LAMP3: variants seen among roughly 807,000 people sequenced by gnomAD.
The protein encoded by LAMP3 is lysosome associated membrane protein 3.
Under a neutral mutation model 34.8 loss-of-function variants are expected in LAMP3, and 26 were observed. That is an observed-to-expected ratio of 0.75 (90% confidence interval 0.55 to 1.04). The LOEUF is 1.04. LAMP3 is among the 50% of genes least tolerant of loss of function. The probability of loss-of-function intolerance (pLI) is 0.00; values close to 1 mark genes in which losing one functional copy is unlikely to be tolerated. For synonymous variants in LAMP3, 180 were observed against 201.9 expected (o/e 0.89, Z 0.92); for missense variants, 495 against 524.0 (o/e 0.94, Z 0.54).
At chr3:183,135,367 C>A (rs1050228937) in intron 5 of LAMP3, among the ~76,000 whole-genome samples, 7 of 152,202 alleles carry the variant, frequency 4.6e-5, no homozygotes, top group Non-Finnish European at 1.0e-4. Context: ...TACTCAGGAT[C>A]TTTAAAGTGT....
At chr3:183,146,591 A>G (rs916029360) in intron 3 of LAMP3, among the ~76,000 whole-genome samples, 1 of 149,530 alleles carries the variant, frequency 6.7e-6, no homozygotes, top group African/African-American at 2.5e-5. Flanking sequence ...GCAATGGCAC[A>G]ATCTCGGCTC....
intron 3 of LAMP3, among the ~76,000 whole-genome samples, chr3:183,144,272 A>G (rs1271462072): frequency 6.6e-6 from 1 of 152,208 alleles, no homozygotes; most frequent in Admixed American, 6.5e-5. Flanking sequence ...AAACATTGCT[A>G]AAGATATACT....
chr3:183,135,221 G>A (rs978496574), intron 5 of LAMP3, among the ~76,000 whole-genome samples: 14 of 152,210 alleles, frequency 9.2e-5, no homozygotes, highest in African/African-American at 3.4e-4. Context: ...CTGGAGACGA[G>A]GGGCTCCAAC....
In LAMP3 at chr3:183,124,021, T is replaced by A. The variant is rs59541519; in HGVS notation, c.*60A>T. On this transcript the variant is annotated 3_prime_UTR_variant, in exon 6 of 6. Transcript: ENST00000265598. ...CTCTGAGGGAATTTCCCAACATCCA[T>A]CCTGGAAGGGATGAAAGAGTTCTCT... 6.3e-7 allele frequency: 1 copy of A among 1,594,896 alleles called. No homozygotes were observed. Among genetic ancestry groups the A allele is most frequent in the African/African-American group, 1.3e-5 (1 of 74,466 alleles).
In LAMP3 at chr3:183,122,588, A is replaced by G. The variant is rs1179775338; in HGVS notation, c.*1493T>C. The G allele has an allele frequency of 1.3e-5, 2 of 152,256 alleles. No homozygotes were observed. Among genetic ancestry groups the G allele is most frequent in the Non-Finnish European group, 2.9e-5 (2 of 68,052 alleles). 9.4% of individuals were successfully genotyped at this position (152,256 alleles called of 1,614,324 possible). A position where few individuals can be genotyped will look rare whatever the true frequency, so the allele number is the denominator to read the frequency against. On this transcript the variant is annotated 3_prime_UTR_variant, in exon 6 of 6. Transcript: ENST00000265598. ...GTTAGCGAAGTTTCTCTATTATCAA[A>G]AAAATTTAAAAATACTTTGAGTTTA...
chr3:183,161,300 C>T (rs1246555070), intron 1 of LAMP3, among the ~76,000 whole-genome samples: 3 of 152,208 alleles, frequency 2.0e-5, no homozygotes, highest in African/African-American at 2.4e-5. Context: ...TAGCTCACCT[C>T]TGAGAATTTG....
Position 183,153,989 on chromosome 3 carries a change from G to T in LAMP3, c.452C>A (p.Thr151Asn). The T allele has an allele frequency of 2.5e-6, 4 of 1,614,188 alleles. No individual in the cohort carries two copies. Among genetic ancestry groups the T allele is most frequent in the Admixed American group, 1.7e-5 (1 of 60,022 alleles). ...PAHTTGTSSS[T>N]VSHTTGNTTQ... ...GGTGTTCCCAGTTGTGTGGCTGACG[G>T]TTGATGAACTGGTTCCAGTTGTATG... is the stretch of plus-strand genomic sequence containing the variant. The change falls in exon 2 of 6, where the codon ACC becomes AAC. Residue 151 changes from threonine (T) to asparagine (N), a missense_variant. Coordinates refer to ENST00000265598, the MANE Select transcript of LAMP3 (RefSeq NM_014398.4).
At chr3:183,155,289 A>T (rs920013339) in intron 1 of LAMP3, among the ~76,000 whole-genome samples, 3 of 152,206 alleles carry the variant, frequency 2.0e-5, no homozygotes, top group Non-Finnish European at 4.4e-5. Context: ...ACTGTTCCCA[A>T]TGACAGGAGA....
At chr3:183,135,672 G>C (rs1720061060) in intron 5 of LAMP3, 45 bp downstream of exon 5, 2 of 1,558,768 alleles carry the variant, frequency 1.3e-6, no homozygotes, top group East Asian at 2.2e-5. Context: ...TCTACCCTGG[G>C]GTCTCTAAAG....
Position 183,135,770 on chromosome 3 carries a change from G to A in LAMP3, c.1064C>T (p.Thr355Ile), listed in dbSNP as rs1479247215. 31 of 1,614,180 alleles carry A rather than the reference G, an allele frequency of 1.9e-5. No individual in the cohort carries two copies. The Admixed American group carries it at 5.0e-4, about 26-fold the overall frequency. The part of the protein sequence containing the change: ...LQLSAHLQVK[T>I]TDVQLQAFDF... ...AAAGGCTTGAAGTTGGACATCGGTT[G>A]TTTTCACCTGCAGGTGGGCTGACAA... Residue 355 changes from threonine to isoleucine, a missense_variant, in exon 5 of 6, where the codon ACA becomes ATA. Coordinates refer to ENST00000265598, the MANE Select transcript of LAMP3 (RefSeq NM_014398.4).
rs77183710 is a variant in LAMP3, at chr3:183,132,032, C to T, written c.1117+3685G>A. ...CATATTGTCTCCCTGCTCTGTCTCC[C>T]TCCTGTCCTGCAATGGTCCAAATGG... On this transcript the variant is annotated intron_variant, in intron 5 of 5. Transcript: ENST00000265598. 13 of 985,352 alleles carry T rather than the reference C, an allele frequency of 1.3e-5. No homozygotes were observed. The East Asian group carries it at 6.8e-4, about 52-fold the overall frequency. The allele number at this position is 985,352 out of a possible 1,614,324, so 61.0% of individuals were successfully genotyped here.
chr3:183,133,014 G>A (rs537410573), intron 5 of LAMP3: 1 of 834,406 alleles, frequency 1.2e-6, no homozygotes, highest in Admixed American at 6.2e-5. Context: ...CTGGGAAGTG[G>A]CACTGCCACA....
At position 183,153,685 on chromosome 3, in the gene LAMP3, C is replaced by G; in HGVS notation, c.756G>C (p.Glu252Asp). Residue 252 changes from glutamate to aspartate, a missense_variant, in exon 2 of 6, where the codon GAG (glutamate) becomes GAC (aspartate). Coordinates refer to ENST00000265598, the MANE Select transcript of LAMP3 (RefSeq NM_014398.4). ...TAGTCCTGTGGCCCCAACTTACCGA[C>G]TCCTTGTCTTGAACAATCAGCTGTA... ...MGIQLIVQDK[E>D]SVFSPRRYFN... 1 of 1,514,636 alleles carries G rather than the reference C, an allele frequency of 6.6e-7. No individual in the cohort carries two copies. The highest frequency in any genetic ancestry group is 8.8e-7 in the Non-Finnish European group (1 of 1,132,362). 93.8% of individuals were successfully genotyped at this position (1,514,636 alleles called of 1,614,324 possible). A position where few individuals can be genotyped will look rare whatever the true frequency, so the allele number is the denominator to read the frequency against.
Position 183,152,406 on chromosome 3 carries a change from T to C in LAMP3, c.857A>G (p.Gln286Arg). ...AAATGTGAGATTCACAAATCCGCCC[T>C]GAAAATTCAACAGAAGGTTGGATTT... ...TRKSNLLLNF[Q>R]GGFVNLTFTK... Residue 286 changes from glutamine (Q) to arginine (R), a missense_variant, in exon 3 of 6, where the codon CAG becomes CGG. Transcript: ENST00000265598. The C allele has an allele frequency of 6.2e-7, 1 of 1,612,412 alleles. No individual in the cohort carries two copies. The highest frequency in any genetic ancestry group is 8.5e-7 in the Non-Finnish European group (1 of 1,179,410).
intron 3 of LAMP3, among the ~76,000 whole-genome samples, chr3:183,145,715 G>A (rs1180354229): frequency 6.6e-6 from 1 of 152,102 alleles, no homozygotes; most frequent in Non-Finnish European, 1.5e-5. Flanking sequence ...AAATGAGCAG[G>A]GTGTGGTGGT....
Position 183,125,263 on chromosome 3 carries a change from C to T in LAMP3, c.1118-1049G>A, listed in dbSNP as rs532904291. On this transcript the variant is annotated intron_variant, in intron 5 of 5. Transcript: ENST00000265598. ...AAGATACATGTGTGAGGTCATTGTA[C>T]GAACTAACACTGAAATTATGTCCTG... is the stretch of plus-strand genomic sequence containing the variant. Among the ~76,000 whole-genome samples, 6 of 152,190 alleles carry T rather than the reference C, an allele frequency of 3.9e-5. No individual in the cohort carries two copies. In the South Asian group the frequency reaches 6.2e-4, roughly 16 times the overall value.
intron 5 of LAMP3, among the ~76,000 whole-genome samples, chr3:183,129,023 A>AAAAC (rs766255252): frequency 1.3e-5 from 2 of 152,150 alleles, no homozygotes; most frequent in South Asian, 2.1e-4. Context: ...ACTCTGTCTC[A>AAAAC]AAACAAACAA....
chr3:183,132,180 C>T (rs1576870137), intron 5 of LAMP3: 1 of 985,314 alleles, frequency 1.0e-6, no homozygotes. Flanking sequence ...TGAGCCCCTC[C>T]TTTTTTGCCA....
chr3:183,141,392 T>C (rs1427007942), intron 3 of LAMP3, among the ~76,000 whole-genome samples: 2 of 152,166 alleles, frequency 1.3e-5, no homozygotes, highest in Admixed American at 6.5e-5. Context: ...TGAAACCTTC[T>C]AGGGAACTGA....
Sources: allele counts gnomAD v4.1 joint callset (sites outside exome capture counted in the v4.1 genomes callset), GRCh38; gene constraint gnomAD v4.1.1; transcripts MANE v1.5; gene names NCBI Gene and HGNC (gene_info 2026-07-23, HGNC 2026-07-21).